The following RABGAP1L variants were observed in gnomAD, a reference collection of about 807,000 sequenced individuals.
RABGAP1L encodes rab GTPase-activating protein 1-like.
In RABGAP1L, 63 loss-of-function variants were observed where a neutral mutation model predicts 137.7. That is an observed-to-expected ratio of 0.46 (90% confidence interval 0.37 to 0.56). RABGAP1L has a LOEUF of 0.56. RABGAP1L is among the 20% of genes least tolerant of loss of function. The pLI is 0.00. For synonymous variants in RABGAP1L, 431 were observed against 433.7 expected, an observed-to-expected ratio of 0.99 and a Z score of 0.08; for missense variants, 1,095 against 1,244.0, an observed-to-expected ratio of 0.88 and a Z score of 1.80.
chr1:174,544,750 T>G (rs1665844008), intron 13 of RABGAP1L: 1 of 152,374 alleles, frequency 6.6e-6, no homozygotes, highest in African/African-American at 2.4e-5. Context: ...CTACCTTTGG[T>G]CTTTGATGAT....
At chr1:174,774,179 T>C (rs1686340681) in intron 18 of RABGAP1L, among the ~76,000 whole-genome samples, 1 of 152,238 alleles carries the variant, frequency 6.6e-6, no homozygotes, top group African/African-American at 2.4e-5. Flanking sequence ...AAAACGCCCA[T>C]AGCCTTGATC....
intron 13 of RABGAP1L, among the ~76,000 whole-genome samples, chr1:174,432,159 T>C (rs1652714037): frequency 6.6e-6 from 1 of 152,202 alleles, no homozygotes. Flanking sequence ...GCTATCTTTA[T>C]GTCCATGAGT....
intron 13 of RABGAP1L, among the ~76,000 whole-genome samples, chr1:174,631,584 G>A (rs1267948037): frequency 2.2e-5 from 2 of 89,738 alleles, no homozygotes; most frequent in Non-Finnish European, 4.2e-5. Context: ...CTCCTGTATT[G>A]GGTGCATATA....
At chr1:174,766,141 A>G (rs1685652325) in intron 18 of RABGAP1L, among the ~76,000 whole-genome samples, 1 of 152,198 alleles carries the variant, frequency 6.6e-6, no homozygotes, top group African/African-American at 2.4e-5. Context: ...GGGAGAAGAC[A>G]GCCATCTACA....
chr1:174,669,487 A>C (rs1677029255), intron 14 of RABGAP1L, among the ~76,000 whole-genome samples: 1 of 152,154 alleles, frequency 6.6e-6, no homozygotes, highest in South Asian at 2.1e-4. Flanking sequence ...TTTTAGTTTG[A>C]TGCAATCACA....
chr1:174,260,386 G>A (rs1673484734), intron 7 of RABGAP1L, among the ~76,000 whole-genome samples: 1 of 152,172 alleles, frequency 6.6e-6, no homozygotes, highest in South Asian at 2.1e-4. Flanking sequence ...AGATGTTAGG[G>A]CATTCAAGTG....
At chr1:174,674,361 G>A (rs950809191) in intron 14 of RABGAP1L, among the ~76,000 whole-genome samples, 2 of 149,664 alleles carry the variant, frequency 1.3e-5, no homozygotes, top group Non-Finnish European at 3.0e-5. Flanking sequence ...CCTTGCGATA[G>A]TTTACTGAGA....
chr1:174,663,803 C>T (rs189119413), intron 14 of RABGAP1L, among the ~76,000 whole-genome samples: 1 of 152,308 alleles, frequency 6.6e-6, no homozygotes, highest in East Asian at 1.9e-4. Context: ...AGTTGATGCT[C>T]TGCCTTCTTA....
chr1:174,205,760 C>G (rs2148411428), intron 1 of RABGAP1L, among the ~76,000 whole-genome samples: 1 of 152,124 alleles, frequency 6.6e-6, no homozygotes, highest in South Asian at 2.1e-4. Flanking sequence ...TTTTTCTTGT[C>G]TCTATTTACT....
chr1:174,729,866 T>C (rs968941802), intron 17 of RABGAP1L, among the ~76,000 whole-genome samples: 1 of 152,232 alleles, frequency 6.6e-6, no homozygotes, highest in South Asian at 2.1e-4. Context: ...TATACACTGT[T>C]GGTGGGAATG....
At chr1:174,884,932 G>A (rs74473375) in intron 19 of RABGAP1L, among the ~76,000 whole-genome samples, 3,290 of 152,310 alleles carry the variant, frequency 0.022, 51 homozygotes, top group Middle Eastern at 0.082. Context: ...ATCTGACCGA[G>A]TAATGTTAGG....
chr1:174,929,753 A>AAAATAAATAAATAAAT lies in RABGAP1L; in HGVS notation c.2341-27673_2341-27658dup, dbSNP rs61539169. On this transcript the variant is annotated intron_variant, in intron 19 of 25. Coordinates refer to ENST00000681986, the MANE Select transcript of RABGAP1L (RefSeq NM_001366446.1). ...ACAGAGGGAGACACTGTCTCTACAA[A>AAAATAAATAAATAAAT]AAATAAATAAATAAATAAATAAATA... Among the ~76,000 whole-genome samples, 394 of 140,808 alleles carry AAAATAAATAAATAAAT rather than the reference A, an allele frequency of 2.8e-3. 2 individuals are homozygous for AAAATAAATAAATAAAT. Among genetic ancestry groups the AAAATAAATAAATAAAT allele is most frequent in the Non-Finnish European group, 2.9e-3 (194 of 66,048 alleles). The allele number at this position is 140,808 out of a possible 152,430, so 92.4% of individuals were successfully genotyped here. A position where few individuals can be genotyped will look rare whatever the true frequency, so the allele number is the denominator to read the frequency against.
chr1:174,581,392 T>C (rs1668734533), intron 13 of RABGAP1L, among the ~76,000 whole-genome samples: 1 of 152,224 alleles, frequency 6.6e-6, no homozygotes, highest in African/African-American at 2.4e-5. Flanking sequence ...TGCTACAACG[T>C]GGATGTACCT....
At chr1:174,341,711 A>C (rs1681987255) in intron 11 of RABGAP1L, among the ~76,000 whole-genome samples, 1 of 152,176 alleles carries the variant, frequency 6.6e-6, no homozygotes, top group Admixed American at 6.5e-5. Flanking sequence ...TAAGCTATTA[A>C]AAAATTTCAT....
intron 13 of RABGAP1L, among the ~76,000 whole-genome samples, chr1:174,443,179 A>G (rs977066577): frequency 3.3e-5 from 5 of 152,054 alleles, no homozygotes; most frequent in Non-Finnish European, 7.4e-5. Flanking sequence ...TTGTAATAAC[A>G]TGGTAGTGCA....
At chr1:174,598,950 GT>G (rs1670206886) in intron 13 of RABGAP1L, among the ~76,000 whole-genome samples, 1 of 151,882 alleles carries the variant, frequency 6.6e-6, no homozygotes. Flanking sequence ...CTATTTTGCT[GT>G]TTGTTTTCTG....
rs780208377 is a variant in RABGAP1L, at chr1:174,400,948, C to T, written c.1710+6803C>T. ...AATAAAGTTCTTCATATCATTTTGA[C>T]TGGTAGTAAATGACTCTAGGGACCA... On this transcript the variant is annotated intron_variant, in intron 13 of 25. Transcript: ENST00000681986. 3.2e-4 allele frequency among the ~76,000 whole-genome samples: 48 copies of T among 151,978 alleles called. 1 individual carries two copies. Among genetic ancestry groups the T allele is most frequent in the Non-Finnish European group, 4.9e-4 (33 of 67,992 alleles).
intron 13 of RABGAP1L, among the ~76,000 whole-genome samples, chr1:174,438,744 G>A (rs12036899): frequency 1.9e-4 from 18 of 95,442 alleles, no homozygotes; most frequent in African/African-American, 6.2e-4. Context: ...GTGTGTGTGT[G>A]TATATATATA....
intron 13 of RABGAP1L, among the ~76,000 whole-genome samples, chr1:174,478,492 A>G (rs750590397): frequency 2.0e-5 from 3 of 151,974 alleles, no homozygotes; most frequent in Non-Finnish European, 4.4e-5. Flanking sequence ...GCCCAGGCTA[A>G]TCTTGAACTC....
Sources: allele counts gnomAD v4.1 joint callset (sites outside exome capture counted in the v4.1 genomes callset), GRCh38; gene constraint gnomAD v4.1.1; transcripts MANE v1.5; gene names NCBI Gene and HGNC (gene_info 2026-07-23, HGNC 2026-07-21).